Variants in MYH4 observed in about 807,000 individuals in gnomAD.
MYH4 encodes myosin heavy chain 4, also known as myosin-4.
A neutral mutation model predicts 229.9 loss-of-function variants in MYH4; 200 were observed. The observed-to-expected ratio is 0.87, with a 90% CI of 0.78 to 0.98. The LOEUF (loss-of-function observed/expected upper bound fraction) is 0.98, where lower values mean the gene tolerates loss of function less well. MYH4 is among the 50% of genes least tolerant of loss of function. The pLI, the probability that MYH4 is intolerant of heterozygous loss-of-function variation, is 0.00. For missense variants in MYH4, 2,148 were observed against 2,332.6 expected, an observed-to-expected ratio of 0.92 and a Z score of 1.63; for synonymous variants, 761 against 834.6, an observed-to-expected ratio of 0.91 and a Z score of 1.52.
At chr17:10,455,325 G>T in intron 19 of MYH4, 30 bp from the exon 20 acceptor site, 1 of 1,591,736 alleles carries the variant, frequency 6.3e-7, no homozygotes, top group South Asian at 1.2e-5. Context: ...ATAAAAATGT[G>T]GTTTTTCTTC....
intron 11 of MYH4, among the ~76,000 whole-genome samples, chr17:10,461,718 A>G (rs144081692): frequency 0.036 from 5,460 of 152,274 alleles, 136 homozygotes; most frequent in Non-Finnish European, 0.054. Context: ...GCCATTTAGT[A>G]TAATATTTCT....
Position 10,455,603 on chromosome 17 carries a change from G to A in MYH4, c.2174+11C>T, listed in dbSNP as rs2142221037. 6.2e-7 allele frequency: 1 copy of A among 1,613,814 alleles called. No individual in the cohort carries two copies. The highest frequency in any genetic ancestry group is 2.2e-5 in the East Asian group (1 of 44,880). On this transcript the variant is annotated intron_variant, in intron 19 of 39. Transcript: ENST00000255381. Reference sequence around the variant, plus strand: ...TAAGACATTGGAAGGGAAAAATAATGAGACACAAACCTCTGTTTGAAGTCT... The same window carrying A: ...TAAGACATTGGAAGGGAAAAATAATAAGACACAAACCTCTGTTTGAAGTCT...
intron 22 of MYH4, among the ~76,000 whole-genome samples, chr17:10,454,235 G>C (rs2072612334): frequency 6.6e-6 from 1 of 152,140 alleles, no homozygotes; most frequent in Non-Finnish European, 1.5e-5. Context: ...TCTCTGCCCT[G>C]ATAAAAACAA....
chr17:10,454,325 A>G (rs146060500), intron 22 of MYH4, among the ~76,000 whole-genome samples: 3 of 152,348 alleles, frequency 2.0e-5, no homozygotes, highest in Admixed American at 6.5e-5. Context: ...AATAAAGGAA[A>G]ATGTCTATTG....
At chr17:10,458,195 A>G (rs2072662939) in intron 15 of MYH4, among the ~76,000 whole-genome samples, 1 of 152,166 alleles carries the variant, frequency 6.6e-6, no homozygotes, top group Non-Finnish European at 1.5e-5. Context: ...TTTAACCTAT[A>G]TTCTCTACCA....
chr17:10,466,833 A>G, intron 2 of MYH4, 49 bp from the exon 3 acceptor site: 1 of 1,517,756 alleles, frequency 6.6e-7, no homozygotes, highest in Non-Finnish European at 9.1e-7. Flanking sequence ...GGGGTGGAGA[A>G]TTGTTCTGTT....
At chr17:10,465,779 T>TC (rs1264724667) in intron 4 of MYH4, among the ~76,000 whole-genome samples, 181 bp from the exon 5 acceptor site, 4 of 141,200 alleles carry the variant, frequency 2.8e-5, no homozygotes, top group Non-Finnish European at 4.6e-5. Context: ...TCTTTTTTTT[T>TC]TTTTTTTTTT....
At position 10,448,391 on chromosome 17, in the gene MYH4, T is replaced by C. The variant is rs773044635; in HGVS notation, c.4656+5A>G. ...AATGCAGAGCTAAGCAAATGAAAAA[T>C]GTACCTCTGCTTCCTCTAGGGAAGT... On this transcript the variant is annotated splice_donor_5th_base_variant and intron_variant, in intron 33 of 39. Transcript: ENST00000255381. 5 of 1,606,826 alleles carry C rather than the reference T, an allele frequency of 3.1e-6. No homozygotes were observed. In the African/African-American group the frequency reaches 6.7e-5, roughly 22 times the overall value.
chr17:10,461,525 G>T (rs1472674138), intron 11 of MYH4, among the ~76,000 whole-genome samples: 2 of 151,746 alleles, frequency 1.3e-5, no homozygotes, highest in African/African-American at 4.8e-5. Flanking sequence ...CCTGCTAATG[G>T]GCATGAGTGA....
chr17:10,444,732 T>G, intron 38 of MYH4, 33 bp from the exon 39 acceptor site: 1 of 1,612,762 alleles, frequency 6.2e-7, no homozygotes, highest in Non-Finnish European at 8.5e-7. Context: ...GTGCCATTAT[T>G]TTAAAACAAC....
rs1362667452 is a variant in MYH4, at chr17:10,444,849, C to T, written c.5517G>A (p.Glu1839=). The T allele has an allele frequency of 6.2e-7, 1 of 1,614,130 alleles. No individual in the cohort carries two copies. ...CATGTTTGCGAAGACCCTTGACAGC[C>T]TCAACATTGTGCTTCTGTTCACTTT... is the stretch of plus-strand genomic sequence containing the variant. ...EVESEQKHNV[E]AVKGLRKHER... The change falls in exon 38 of 40, where the codon GAG becomes GAA. Residue 1839 remains glutamate, a synonymous_variant. Transcript: ENST00000255381.
rs879697383 is a variant in MYH4 at position 10,456,412 on chromosome 17, T to A, written c.1968+73A>T. 56 of 1,262,950 alleles carry A rather than the reference T, an allele frequency of 4.4e-5. No homozygotes were observed. The Admixed American group carries it at 1.0e-3, about 23-fold the overall frequency. 78.2% of individuals were successfully genotyped at this position (1,262,950 alleles called of 1,614,324 possible). A position where few individuals can be genotyped will look rare whatever the true frequency, so the allele number is the denominator to read the frequency against. ...ATTCACTTTCACCATAAATATCTTT[T>A]AAAAAATTTTCTGTTTTGATGGTTT... is the stretch of plus-strand genomic sequence containing the variant. On this transcript the variant is annotated intron_variant, in intron 17 of 39. Transcript: ENST00000255381.
chr17:10,450,348 A>C (rs2072558613), intron 30 of MYH4, 105 bp downstream of exon 30: 2 of 1,561,256 alleles, frequency 1.3e-6, no homozygotes, highest in Non-Finnish European at 1.8e-6. Context: ...AAATAAGCTG[A>C]AGTCTTTCAT....
chr17:10,456,467 T>G lies in MYH4; in HGVS notation c.1968+18A>C. On this transcript the variant is annotated intron_variant, in intron 17 of 39. Transcript: ENST00000255381. ...TTTTAATGAAAGTATTTATCTGTAA[T>G]TCAAGAATATACTGTACCCTGAAAA... 1 of 1,577,556 alleles carries G rather than the reference T, an allele frequency of 6.3e-7. No homozygotes were observed. The highest frequency in any genetic ancestry group is 8.6e-7 in the Non-Finnish European group (1 of 1,162,846).
chr17:10,451,563 T>C (rs2072573851), intron 27 of MYH4, 111 bp from the exon 28 acceptor site: 1 of 1,224,804 alleles, frequency 8.2e-7, no homozygotes, highest in South Asian at 1.6e-5. Context: ...TTTACTTTTC[T>C]ATCAATCTTG....
In MYH4 at chr17:10,452,281, C is replaced by T. The variant is rs987033458; in HGVS notation, c.3398G>A (p.Arg1133Gln). ...EEEIEAERAS[R>Q]AKAEKQRSDL... ...AGAGCGCTGCTTCTCTGCTTTGGCC[C>T]GGGAGGCCCGCTCTGCCTCGATTTC... The change falls in exon 27 of 40, where the codon CGG (arginine) becomes CAG (glutamine). Residue 1133 changes from arginine (R) to glutamine (Q), a missense_variant. Transcript: ENST00000255381. 2.2e-5 allele frequency: 36 copies of T among 1,613,954 alleles called. No individual in the cohort carries two copies. Among genetic ancestry groups the T allele is most frequent in the South Asian group, 1.3e-4 (12 of 91,090 alleles).
intron 14 of MYH4, among the ~76,000 whole-genome samples, 184 bp downstream of exon 14, chr17:10,459,768 G>T (rs1389326515): frequency 6.6e-6 from 1 of 151,960 alleles, no homozygotes; most frequent in Non-Finnish European, 1.5e-5. Flanking sequence ...GAGACTTCTA[G>T]ACTCAAAAGA....
At chr17:10,461,501 C>G (rs1335098868) in intron 11 of MYH4, among the ~76,000 whole-genome samples, 1 of 151,874 alleles carries the variant, frequency 6.6e-6, no homozygotes, top group Non-Finnish European at 1.5e-5. Flanking sequence ...ATGCATAATC[C>G]CAGTCTACCT....
At position 10,453,248 on chromosome 17, in the gene MYH4, C is replaced by T; in HGVS notation, c.3015G>A (p.Glu1005=). ...GGTCATCCAGGGTCTGCTGGTGGGC[C>T]TCCTGGAGAGCCTTCTTCTCCTTGG... is the stretch of plus-strand genomic sequence containing the variant. ...KLTKEKKALQ[E]AHQQTLDDLQ... The change falls in exon 24 of 40, where the codon GAG becomes GAA. Residue 1005 remains glutamate (E), a synonymous_variant. Coordinates refer to ENST00000255381, the MANE Select transcript of MYH4 (RefSeq NM_017533.2). 1 of 1,614,044 alleles carries T rather than the reference C, an allele frequency of 6.2e-7. No homozygotes were observed. Among genetic ancestry groups the T allele is most frequent in the Non-Finnish European group, 8.5e-7 (1 of 1,180,020 alleles).
Sources: gnomAD v4.1 joint callset for allele counts (sites outside exome capture counted in the v4.1 genomes callset) on GRCh38, gnomAD v4.1.1 for gene constraint, MANE v1.5 for transcripts, NCBI Gene and HGNC (gene_info 2026-07-23, HGNC 2026-07-21) for gene names.